Variants in TM7SF3 observed in about 807,000 individuals in gnomAD.
TM7SF3 encodes transmembrane 7 superfamily member 3, also known as seven span transmembrane protein.
In TM7SF3, 60 loss-of-function variants were observed where a neutral mutation model predicts 65.5. That is an observed-to-expected ratio of 0.92 (90% CI 0.74 to 1.14). TM7SF3 has a LOEUF of 1.14. Ranked by LOEUF, TM7SF3 falls within the 50% of genes most tolerant of loss-of-function variation. TM7SF3 has a pLI of 0.00. For missense variants in TM7SF3, 623 were observed against 684.8 expected, an observed-to-expected ratio of 0.91 and a Z score of 1.01; for synonymous variants, 264 against 259.6, an observed-to-expected ratio of 1.02 and a Z score of -0.16.
chr12:26,995,628 C>T (rs1220463694), intron 4 of TM7SF3, among the ~76,000 whole-genome samples: 1 of 152,146 alleles, frequency 6.6e-6, no homozygotes, highest in Non-Finnish European at 1.5e-5. Flanking sequence ...GACCCTCACT[C>T]CCAGTGTGAT....
intron 6 of TM7SF3, among the ~76,000 whole-genome samples, chr12:26,983,883 T>C (rs1939925265): frequency 6.6e-6 from 1 of 152,118 alleles, no homozygotes; most frequent in South Asian, 2.1e-4. Context: ...ACTAAATTCA[T>C]CACCCACCAT....
intron 6 of TM7SF3, 23 bp downstream of exon 6, chr12:26,990,427 A>G: frequency 3.8e-6 from 6 of 1,588,108 alleles, no homozygotes; most frequent in Non-Finnish European, 5.2e-6. Flanking sequence ...AGAATTTGTA[A>G]AAGTTTAAAG....
intron 7 of TM7SF3, among the ~76,000 whole-genome samples, chr12:26,981,442 A>G (rs570421637): frequency 1.5e-3 from 223 of 152,190 alleles, no homozygotes; most frequent in African/African-American, 5.3e-3. Flanking sequence ...GTAGTGCACT[A>G]TAATTGTACC....
At chr12:26,990,313 T>C in intron 6 of TM7SF3, 137 bp downstream of exon 6, 1 of 593,616 alleles carries the variant, frequency 1.7e-6, no homozygotes, top group Non-Finnish European at 3.0e-6. Flanking sequence ...TGTTTACTGC[T>C]ATGTCCCAGT....
chr12:26,990,202 A>C (rs1940286931), intron 6 of TM7SF3, among the ~76,000 whole-genome samples: 1 of 151,764 alleles, frequency 6.6e-6, no homozygotes, highest in African/African-American at 2.4e-5. Context: ...TCTTCTTAGC[A>C]CTCACCATTT....
chr12:26,994,772 G>A (rs1940520691), intron 5 of TM7SF3, among the ~76,000 whole-genome samples: 1 of 152,222 alleles, frequency 6.6e-6, no homozygotes, highest in Non-Finnish European at 1.5e-5. Context: ...CACACCTGGG[G>A]AGCAAGGGTT....
chr12:26,989,891 T>C (rs2136408866), intron 6 of TM7SF3, among the ~76,000 whole-genome samples: 1 of 152,326 alleles, frequency 6.6e-6, no homozygotes, highest in South Asian at 2.1e-4. Context: ...TCATTCAGAA[T>C]AGAAGCAAAA....
chr12:26,974,058 T>C lies in TM7SF3; in HGVS notation c.1620A>G (p.Pro540=), dbSNP rs150826720. Residue 540 remains proline (P), a synonymous_variant, in exon 12 of 12, where the codon CCA becomes CCG. Coordinates refer to ENST00000343028, the MANE Select transcript of TM7SF3 (RefSeq NM_016551.3). ...NILDPSYHIP[P]LRERLYGRLT... Reference sequence around the variant, plus strand: ...ATCGGCCATAGAGCCTCTCTCTCAATGGAGGAATGTGGTAGCTAGGGTCCA... The same window carrying C: ...ATCGGCCATAGAGCCTCTCTCTCAACGGAGGAATGTGGTAGCTAGGGTCCA... The C allele has an allele frequency of 1.1e-5, 18 of 1,614,022 alleles. No homozygotes were observed. The African/African-American group carries it at 1.9e-4, about 17-fold the overall frequency.
intron 1 of TM7SF3, among the ~76,000 whole-genome samples, chr12:27,007,928 T>C (rs1263267641): frequency 6.6e-6 from 1 of 152,222 alleles, no homozygotes; most frequent in Non-Finnish European, 1.5e-5. Context: ...ACCATAATTG[T>C]ATACTTCATG....
At chr12:27,012,948 A>C (rs1017520119) in intron 1 of TM7SF3, 35 of 328,278 alleles carry the variant, frequency 1.1e-4, no homozygotes, top group African/African-American at 7.6e-4. Context: ...CAGTCAGCCA[A>C]GATCATGCCA....
At chr12:27,008,355 T>C (rs1941119220) in intron 1 of TM7SF3, among the ~76,000 whole-genome samples, 1 of 152,192 alleles carries the variant, frequency 6.6e-6, no homozygotes, top group East Asian at 1.9e-4. Flanking sequence ...AACAGTCTGT[T>C]CGAGTCTTTT....
At chr12:26,990,385 C>T in intron 6 of TM7SF3, 65 bp downstream of exon 6, 1 of 1,238,074 alleles carries the variant, frequency 8.1e-7, no homozygotes. Flanking sequence ...TGAATGAGAA[C>T]TAGACAAAAG....
Position 26,971,745 on chromosome 12 carries a change from C to T in TM7SF3, c.*2220G>A, listed in dbSNP as rs1013420469. The T allele has an allele frequency of 2.0e-5, 3 of 152,124 alleles. No individual in the cohort carries two copies. In the South Asian group the frequency reaches 6.2e-4, roughly 31 times the overall value. 9.4% of individuals were successfully genotyped at this position (152,124 alleles called of 1,614,324 possible). A position where few individuals can be genotyped will look rare whatever the true frequency, so the allele number is the denominator to read the frequency against. On this transcript the variant is annotated 3_prime_UTR_variant, in exon 12 of 12. Coordinates refer to ENST00000343028, the MANE Select transcript of TM7SF3 (RefSeq NM_016551.3). The stretch of plus-strand genomic sequence containing the variant: ...ATAGTATAGAAAATAACAAACATTC[C>T]ATATAACTTTGTCCCTACAGTAAAT...
chr12:27,003,974 C>T (rs147210679), intron 1 of TM7SF3, among the ~76,000 whole-genome samples: 4 of 152,328 alleles, frequency 2.6e-5, no homozygotes, highest in African/African-American at 9.6e-5. Flanking sequence ...TGAGCACCCA[C>T]ACCAGGCACT....
chr12:26,998,178 T>C (rs1940680407), intron 3 of TM7SF3, among the ~76,000 whole-genome samples: 1 of 152,146 alleles, frequency 6.6e-6, no homozygotes, highest in African/African-American at 2.4e-5. Flanking sequence ...TCCTACCTTC[T>C]TGACTACTCC....
chr12:27,006,514 C>A (rs1251066343), intron 1 of TM7SF3, among the ~76,000 whole-genome samples: 2 of 152,200 alleles, frequency 1.3e-5, no homozygotes, highest in Middle Eastern at 3.2e-3. Flanking sequence ...ATTCTCTCAA[C>A]ATTCTGTCAC....
chr12:26,990,364 T>C, intron 6 of TM7SF3, 86 bp downstream of exon 6: 1 of 977,322 alleles, frequency 1.0e-6, no homozygotes, highest in Non-Finnish European at 1.6e-6. Flanking sequence ...GCTCAAAAGG[T>C]ATGTGTTGAA....
In TM7SF3 at chr12:26,980,662, C is replaced by G. The variant is rs771069219; in HGVS notation, c.956-16G>C. On this transcript the variant is annotated splice_polypyrimidine_tract_variant and intron_variant, in intron 7 of 11. Coordinates refer to ENST00000343028, the MANE Select transcript of TM7SF3 (RefSeq NM_016551.3). ...AAGAATAATTCTAAGTGGCAAACCA[C>G]CAGGAAAGGAAAAAAGCAAAACAAC... is the stretch of plus-strand genomic sequence containing the variant. The G allele has an allele frequency of 6.9e-7, 1 of 1,448,140 alleles. No homozygotes were observed. Among genetic ancestry groups the G allele is most frequent in the Non-Finnish European group, 9.5e-7 (1 of 1,052,936 alleles). The allele number at this position is 1,448,140 out of a possible 1,614,324, so 89.7% of individuals were successfully genotyped here. A position where few individuals can be genotyped will look rare whatever the true frequency, so the allele number is the denominator to read the frequency against.
In TM7SF3 at chr12:26,996,740, A is replaced by G; in HGVS notation, c.518+2T>C. The stretch of plus-strand genomic sequence containing the variant: ...TTTCTCAGACATGGGAGACAGACGT[A>G]CCTCGCATAGCCTAGGTTTGCTGGG... On this transcript the variant is annotated splice_donor_variant, in intron 4 of 11. Coordinates refer to ENST00000343028, the MANE Select transcript of TM7SF3 (RefSeq NM_016551.3). LOFTEE classifies it high-confidence loss of function. 6.2e-7 allele frequency: 1 copy of G among 1,609,698 alleles called. No individual in the cohort carries two copies.
Sources: allele counts gnomAD v4.1 joint callset (sites outside exome capture counted in the v4.1 genomes callset), GRCh38; gene constraint gnomAD v4.1.1; transcripts MANE v1.5; gene names NCBI Gene and HGNC (gene_info 2026-07-23, HGNC 2026-07-21).